The following CC2D2B variants were observed in gnomAD, a reference collection of about 807,000 sequenced individuals.
CC2D2B encodes protein CC2D2B.
Under a neutral mutation model 161.2 loss-of-function variants are expected in CC2D2B, and 128 were observed. The ratio of observed to expected loss-of-function variants is 0.79; its 90% CI spans 0.69 to 0.92. CC2D2B has a LOEUF of 0.92. CC2D2B is among the 40% of genes least tolerant of loss of function. The pLI is 0.00. For synonymous variants in CC2D2B, 391 were observed against 449.8 expected (o/e 0.87, Z 1.65); for missense variants, 1,173 against 1,375.1 (o/e 0.85, Z 2.32).
At chr10:95,947,104 TATATATATA>T (rs1399425272) in intron 9 of CC2D2B, among the ~76,000 whole-genome samples, 1 of 36,532 alleles carries the variant, frequency 2.7e-5, no homozygotes, top group Non-Finnish European at 4.4e-5. Context: ...TATATATATA[TATATATATA>T]TTTTTTTTTT....
At chr10:96,025,046 C>T in intron 33 of CC2D2B, 135 bp downstream of exon 33, 2 of 419,250 alleles carry the variant, frequency 4.8e-6, no homozygotes, top group Admixed American at 4.2e-5. Flanking sequence ...CAGTGGCTCA[C>T]ACCTATAATC....
At chr10:96,005,915 G>T (rs7911298) in intron 25 of CC2D2B, among the ~76,000 whole-genome samples, 90,433 of 151,956 alleles carry the variant, frequency 0.6, 27,069 homozygotes, top group East Asian at 0.8. Context: ...ATTTTAAAAT[G>T]TATTAGCATA....
intron 30 of CC2D2B, chr10:96,018,686 A>G (rs535034318): frequency 6.6e-6 from 1 of 151,664 alleles, no homozygotes; most frequent in African/African-American, 2.4e-5. Flanking sequence ...CCTCATGCTA[A>G]CCTGGGGCTG....
chr10:96,022,690 G>A (rs567010219), intron 32 of CC2D2B: 1 of 152,182 alleles, frequency 6.6e-6, no homozygotes, highest in Non-Finnish European at 1.5e-5. Flanking sequence ...CCCACTATGA[G>A]CCAGTGTTAC....
intron 10 of CC2D2B, among the ~76,000 whole-genome samples, chr10:95,954,963 T>A (rs955388934): frequency 6.6e-6 from 1 of 152,150 alleles, no homozygotes; most frequent in African/African-American, 2.4e-5. Flanking sequence ...TTTTCCTACA[T>A]TATGCACTTA....
intron 11 of CC2D2B, among the ~76,000 whole-genome samples, chr10:95,957,891 A>G (rs1224049652): frequency 6.6e-6 from 1 of 151,686 alleles, no homozygotes. Context: ...TAACAATAAC[A>G]AAAAACAGAA....
chr10:95,927,062 A>G (rs2098540702), intron 5 of CC2D2B, among the ~76,000 whole-genome samples, 175 bp from the exon 6 acceptor site: 1 of 152,158 alleles, frequency 6.6e-6, no homozygotes, highest in South Asian at 2.1e-4. Flanking sequence ...AAACAAAAAT[A>G]AAAACTCATG....
intron 9 of CC2D2B, among the ~76,000 whole-genome samples, chr10:95,941,419 G>T (rs1230380970): frequency 6.6e-6 from 1 of 152,076 alleles, no homozygotes; most frequent in African/African-American, 2.4e-5. Flanking sequence ...TATGGAATGG[G>T]AGAAAATATT....
At chr10:96,031,767 C>T (rs1260356578) in intron 34 of CC2D2B, 53 bp from the exon 35 acceptor site, 2 of 1,430,894 alleles carry the variant, frequency 1.4e-6, no homozygotes, top group Non-Finnish European at 1.9e-6. Flanking sequence ...TACAGTAATT[C>T]CAGATTACCC....
At chr10:95,932,999 C>T (rs563461611) in intron 6 of CC2D2B, among the ~76,000 whole-genome samples, 11 of 152,294 alleles carry the variant, frequency 7.2e-5, no homozygotes, top group Admixed American at 6.5e-4. Flanking sequence ...CCATTCTCCT[C>T]GTCACTTTCA....
At chr10:95,922,754 C>T (rs953031230) in intron 3 of CC2D2B, among the ~76,000 whole-genome samples, 1 of 152,066 alleles carries the variant, frequency 6.6e-6, no homozygotes, top group Non-Finnish European at 1.5e-5. Context: ...AGCAACCGAG[C>T]AGAAAATAAC....
At chr10:95,939,022 C>A (rs2075927729) in intron 9 of CC2D2B, 97 bp downstream of exon 9, 1 of 546,076 alleles carries the variant, frequency 1.8e-6, no homozygotes, top group African/African-American at 1.9e-5. Flanking sequence ...TTTAAAGATA[C>A]TAAGTCTACT....
chr10:95,935,298 AC>A (rs1362290755), intron 6 of CC2D2B, among the ~76,000 whole-genome samples: 3 of 151,872 alleles, frequency 2.0e-5, no homozygotes, highest in East Asian at 1.9e-4. Flanking sequence ...TTTCTTACAA[AC>A]CCTGTTGGTT....
intron 17 of CC2D2B, among the ~76,000 whole-genome samples, chr10:95,975,307 CAT>C (rs1348022707): frequency 6.6e-6 from 1 of 152,028 alleles, no homozygotes; most frequent in Non-Finnish European, 1.5e-5. Flanking sequence ...TGGCCAGAGT[CAT>C]AGTAAGAGTT....
At chr10:96,015,902 T>TTA (rs2079179056) in intron 29 of CC2D2B, among the ~76,000 whole-genome samples, 1 of 152,192 alleles carries the variant, frequency 6.6e-6, no homozygotes, top group Non-Finnish European at 1.5e-5. Flanking sequence ...GGCACTTTAA[T>TTA]ATTTGTCCTA....
intron 9 of CC2D2B, among the ~76,000 whole-genome samples, chr10:95,942,762 T>G (rs889871878): frequency 1.3e-5 from 2 of 152,268 alleles, no homozygotes; most frequent in African/African-American, 2.4e-5. Context: ...CTTTCTGGTG[T>G]GCTTTGATTT....
chr10:95,974,181 A>T (rs2077236634), intron 17 of CC2D2B, 25 bp downstream of exon 17: 1 of 1,203,390 alleles, frequency 8.3e-7, no homozygotes, highest in South Asian at 4.2e-5. Context: ...TCTTTGAAAA[A>T]TAATGCCAGG....
intron 24 of CC2D2B, among the ~76,000 whole-genome samples, chr10:96,002,705 C>T (rs2078554290): frequency 6.6e-6 from 1 of 152,168 alleles, no homozygotes; most frequent in Non-Finnish European, 1.5e-5. Context: ...GAAACTTCCA[C>T]TTAAAATTGT....
chr10:95,919,677 T>A (rs2098522863), intron 2 of CC2D2B: 1 of 152,042 alleles, frequency 6.6e-6, no homozygotes, highest in African/African-American at 2.4e-5. Context: ...CAAGGGCTAT[T>A]TAGTGAGCAA....
Sources: gnomAD v4.1 joint callset for allele counts (sites outside exome capture counted in the v4.1 genomes callset) on GRCh38, gnomAD v4.1.1 for gene constraint, MANE v1.5 for transcripts, NCBI Gene and HGNC (gene_info 2026-07-23, HGNC 2026-07-21) for gene names.